The following PRDM16 variants were observed in gnomAD, a reference collection of about 807,000 sequenced individuals.
PRDM16 encodes the protein PR/SET domain 16, also known as histone-lysine N-methyltransferase PRDM16.
Under a neutral mutation model 110.6 loss-of-function variants are expected in PRDM16, and 23 were observed. The observed-to-expected ratio is 0.21, with a 90% CI of 0.15 to 0.29. The LOEUF (loss-of-function observed/expected upper bound fraction) is 0.29. Among genes scored for constraint, PRDM16 ranks in the 10% least tolerant of loss-of-function variants. The pLI, the probability that PRDM16 is intolerant of heterozygous loss-of-function variation, is 1.00. For missense variants in PRDM16, 1,615 were observed against 1,794.3 expected, an observed-to-expected ratio of 0.90 and a Z score of 1.81; for synonymous variants, 799 against 781.8, an observed-to-expected ratio of 1.02 and a Z score of -0.37.
At chr1:3,386,295 G>A (rs1643197281) in intron 4 of PRDM16, among the ~76,000 whole-genome samples, 1 of 152,178 alleles carries the variant, frequency 6.6e-6, no homozygotes, top group Admixed American at 6.5e-5. Flanking sequence ...CCACGTCACG[G>A]AACATTCCCG....
At chr1:3,261,202 C>T (rs1305495809) in intron 3 of PRDM16, among the ~76,000 whole-genome samples, 1 of 151,442 alleles carries the variant, frequency 6.6e-6, no homozygotes, top group African/African-American at 2.4e-5. Context: ...TCTTAGGTGA[C>T]CTCTCACACA....
Position 3,425,075 on chromosome 1 carries a change from CTT to C in PRDM16, c.2940-487_2940-486del, listed in dbSNP as rs34261616. On this transcript the variant is annotated intron_variant, in intron 12 of 16. Coordinates refer to ENST00000270722, the MANE Select transcript of PRDM16 (RefSeq NM_022114.4). This position sits in a 1 kb window ranked among gnomAD's most constrained non-coding sequence, Gnocchi z 6.9. ...CAGTAGGAGGGTGAACGCCTGCTTG[CTT>C]TTTTTTTTTTTTTTTTTTGAGATGG... is the stretch of plus-strand genomic sequence containing the variant. 2.1e-4 allele frequency: 26 copies of C among 123,066 alleles called. No individual in the cohort carries two copies. The highest frequency in any genetic ancestry group is 5.6e-4 in the South Asian group (2 of 3,566). 7.6% of individuals were successfully genotyped at this position (123,066 alleles called of 1,614,324 possible). A position where few individuals can be genotyped will look rare whatever the true frequency, so the allele number is the denominator to read the frequency against.
chr1:3,234,461 G>A (rs57854542), intron 2 of PRDM16, among the ~76,000 whole-genome samples: 15,620 of 152,228 alleles, frequency 0.1, 960 homozygotes, highest in African/African-American at 0.18. Flanking sequence ...GGCGGGAGCC[G>A]GACCCTGTGC....
At chr1:3,421,983 G>A (rs1638446406) in intron 12 of PRDM16, among the ~76,000 whole-genome samples, 1 of 148,512 alleles carries the variant, frequency 6.7e-6, no homozygotes, top group Non-Finnish European at 1.5e-5. Flanking sequence ...CAGGCGGACA[G>A]ACAGGCAGAC....
rs1285607844 is a variant in PRDM16 at position 3,209,908 on chromosome 1, A to G, written c.387+23434A>G. 3.3e-5 allele frequency among the ~76,000 whole-genome samples: 5 copies of G among 152,222 alleles called. No individual in the cohort carries two copies. The East Asian group carries it at 9.6e-4, about 29-fold the overall frequency. The stretch of plus-strand genomic sequence containing the variant: ...GTTAACGGGGACTTCCAAAAGGTGC[A>G]CCTGTGTTAGCCCTTTCACAGAACT... On this transcript the variant is annotated intron_variant, in intron 2 of 16. Transcript: ENST00000270722. The surrounding 1 kb of genome is among the most constrained non-coding windows in gnomAD (Gnocchi z 4.6).
At chr1:3,360,582 C>G (rs1642693956) in intron 3 of PRDM16, among the ~76,000 whole-genome samples, 1 of 152,202 alleles carries the variant, frequency 6.6e-6, no homozygotes, top group Non-Finnish European at 1.5e-5. Flanking sequence ...ACTGCCCTTA[C>G]ATCCAGAGAC....
chr1:3,313,448 AT>A (rs1641514946), intron 3 of PRDM16, among the ~76,000 whole-genome samples: 1 of 152,166 alleles, frequency 6.6e-6, no homozygotes, highest in Non-Finnish European at 1.5e-5. Flanking sequence ...CCTGAGAGTG[AT>A]CCCCGGGCAG....
chr1:3,320,574 C>T (rs1359303645), intron 3 of PRDM16, among the ~76,000 whole-genome samples: 2 of 152,166 alleles, frequency 1.3e-5, no homozygotes, highest in African/African-American at 2.4e-5. Context: ...TGCATCTGTC[C>T]CCCGGACACA....
chr1:3,076,519 C>T (rs1194288079), intron 1 of PRDM16, among the ~76,000 whole-genome samples: 1 of 152,216 alleles, frequency 6.6e-6, no homozygotes, highest in Non-Finnish European at 1.5e-5. Context: ...AGCAGGGACA[C>T]ATGGGCTCAG....
intron 1 of PRDM16, among the ~76,000 whole-genome samples, chr1:3,108,078 A>T (rs2100632824): frequency 6.6e-6 from 1 of 152,344 alleles, no homozygotes; most frequent in East Asian, 1.9e-4. Context: ...GGGAGCTCTT[A>T]TTATCTCAGT....
intron 1 of PRDM16, among the ~76,000 whole-genome samples, chr1:3,115,077 C>CACA (rs1642924720): frequency 6.6e-6 from 1 of 152,266 alleles, no homozygotes; most frequent in Admixed American, 6.5e-5. Flanking sequence ...GCCTGGCCAG[C>CACA]CTCTGAGCCT....
At chr1:3,248,580 G>A (rs1639848389) in intron 3 of PRDM16, among the ~76,000 whole-genome samples, 1 of 152,206 alleles carries the variant, frequency 6.6e-6, no homozygotes, top group South Asian at 2.1e-4. Flanking sequence ...GAGTGCAGAG[G>A]CTTAGAGGAG....
At chr1:3,088,292 T>TAAC (rs1472168242) in intron 1 of PRDM16, among the ~76,000 whole-genome samples, 1 of 151,568 alleles carries the variant, frequency 6.6e-6, no homozygotes, top group Non-Finnish European at 1.5e-5. Context: ...GCAATAAAAA[T>TAAC]AATAATAATA....
At chr1:3,179,366 C>A (rs1644125110) in intron 1 of PRDM16, among the ~76,000 whole-genome samples, 1 of 152,238 alleles carries the variant, frequency 6.6e-6, no homozygotes, top group African/African-American at 2.4e-5. Context: ...AGCCCTCAGC[C>A]CCTCACTGGG....
At chr1:3,220,164 T>C (rs1337291565) in intron 2 of PRDM16, among the ~76,000 whole-genome samples, 1 of 152,158 alleles carries the variant, frequency 6.6e-6, no homozygotes, top group Non-Finnish European at 1.5e-5. Context: ...ATGCATCTTG[T>C]CCTCGCCGTG....
At chr1:3,182,346 G>A (rs1047766126) in intron 1 of PRDM16, among the ~76,000 whole-genome samples, 4 of 152,224 alleles carry the variant, frequency 2.6e-5, no homozygotes, top group Non-Finnish European at 4.4e-5. Context: ...GTGTGGCCCT[G>A]GCAGGTGGAC....
At chr1:3,259,646 G>C (rs977201787) in intron 3 of PRDM16, among the ~76,000 whole-genome samples, 1 of 152,204 alleles carries the variant, frequency 6.6e-6, no homozygotes, top group African/African-American at 2.4e-5. Context: ...GGCAAGAGGG[G>C]ACCCAGTGAA....
At chr1:3,198,445 CGTGA>C (rs983052867) in intron 2 of PRDM16, among the ~76,000 whole-genome samples, 23 of 152,350 alleles carry the variant, frequency 1.5e-4, no homozygotes, top group African/African-American at 5.3e-4. Context: ...GCCAGGATGC[CGTGA>C]GTGTGTCTGC....
intron 3 of PRDM16, among the ~76,000 whole-genome samples, chr1:3,314,397 G>C (rs1557601217): frequency 6.6e-6 from 1 of 152,130 alleles, no homozygotes; most frequent in Non-Finnish European, 1.5e-5. Flanking sequence ...TTGTTTTTGT[G>C]TAGCTAATGA....
Sources: gnomAD v4.1 joint callset for allele counts (sites outside exome capture counted in the v4.1 genomes callset) on GRCh38, gnomAD v4.1.1 for gene constraint, Gnocchi (gnomAD v3.1) non-coding constraint, MANE v1.5 for transcripts, NCBI Gene and HGNC (gene_info 2026-07-23, HGNC 2026-07-21) for gene names.